Variants in C4orf36 observed in about 807,000 individuals in gnomAD.
C4orf36 encodes chromosome 4 open reading frame 36, also known as uncharacterized protein C4orf36.
A neutral mutation model predicts 12.2 loss-of-function variants in C4orf36; 11 were observed. The observed-to-expected ratio is 0.90, with a 90% CI of 0.57 to 1.49. C4orf36 has a LOEUF of 1.49. Ranked by LOEUF, C4orf36 falls within the 40% of genes most tolerant of loss-of-function variation. The pLI is 0.00. For synonymous variants in C4orf36, 54 were observed against 51.3 expected (o/e 1.05, Z -0.22); for missense variants, 137 against 133.9 (o/e 1.02, Z -0.11).
chr4:86,915,133 C>T, the C4orf36 span, among the ~76,000 whole-genome samples: 1 of 152,132 alleles, frequency 6.6e-6, no homozygotes, highest in Non-Finnish European at 1.5e-5. Flanking sequence ...ACTAGGCCAC[C>T]GTAGGCTCGT....
chr4:86,892,079 G>A, intron 1 of C4orf36, 104 bp downstream of exon 1: 1 of 985,848 alleles, frequency 1.0e-6, no homozygotes, highest in Non-Finnish European at 1.2e-6. Context: ...CCGGACGGAC[G>A]CGCAGGGCCC....
the C4orf36 span, among the ~76,000 whole-genome samples, chr4:86,905,022 G>T: frequency 2.0e-5 from 3 of 152,120 alleles, no homozygotes; most frequent in African/African-American, 7.2e-5. Context: ...GATGGCTTGA[G>T]CCCAGGAGTT....
chr4:86,892,832 A>G (rs941343275), upstream of C4orf36, among the ~76,000 whole-genome samples: 1 of 152,212 alleles, frequency 6.6e-6, no homozygotes, highest in Non-Finnish European at 1.5e-5. Context: ...ATCAATTTCT[A>G]AAGCCGTTAT....
the C4orf36 span, among the ~76,000 whole-genome samples, chr4:86,919,411 C>G: frequency 6.8e-6 from 1 of 147,096 alleles, no homozygotes; most frequent in Admixed American, 6.9e-5. Context: ...CAACCTCTAC[C>G]TCCTGGGTTC....
the C4orf36 span, among the ~76,000 whole-genome samples, chr4:86,928,507 A>G: frequency 6.6e-6 from 1 of 152,018 alleles, no homozygotes; most frequent in Non-Finnish European, 1.5e-5. Flanking sequence ...GGGAGAATCT[A>G]CCCCGTGACT....
the C4orf36 span, among the ~76,000 whole-genome samples, chr4:86,922,871 A>C: frequency 1.3e-5 from 2 of 151,740 alleles, no homozygotes; most frequent in African/African-American, 4.8e-5. Context: ...ATCTCTTCCA[A>C]GTCTGTTACT....
chr4:86,921,448 G>A, the C4orf36 span, among the ~76,000 whole-genome samples: 5 of 152,064 alleles, frequency 3.3e-5, no homozygotes, highest in Admixed American at 2.0e-4. Flanking sequence ...GGCTGTAGTA[G>A]GTTGGCTACA....
the C4orf36 span, among the ~76,000 whole-genome samples, chr4:86,910,614 TAAG>T: frequency 6.6e-6 from 1 of 152,108 alleles, no homozygotes; most frequent in African/African-American, 2.4e-5. Context: ...GAATGCCATC[TAAG>T]AAGTGTGAAG....
At chr4:86,935,283 C>A in the C4orf36 span, 2 of 152,464 alleles carry the variant, frequency 1.3e-5, no homozygotes, top group African/African-American at 2.4e-5. Flanking sequence ...GGTCGATCCG[C>A]CCGGCCCCCG....
At chr4:86,924,303 G>A in the C4orf36 span, among the ~76,000 whole-genome samples, 21 of 152,246 alleles carry the variant, frequency 1.4e-4, no homozygotes, top group Middle Eastern at 3.4e-3. Flanking sequence ...GGGTTCAAGC[G>A]ATTCTCCTCC....
At chr4:86,904,302 C>T in the C4orf36 span, among the ~76,000 whole-genome samples, 1 of 152,244 alleles carries the variant, frequency 6.6e-6, no homozygotes, top group African/African-American at 2.4e-5. Context: ...TTCACACTTC[C>T]CCGCGAGCAC....
At chr4:86,914,744 G>T in the C4orf36 span, 2 of 430,176 alleles carry the variant, frequency 4.6e-6, no homozygotes, top group South Asian at 1.9e-5. Context: ...TTGGAACTGA[G>T]GGCAATCTGG....
At position 86,876,369 on chromosome 4, in the gene C4orf36, G is replaced by A. The variant is rs986723007; in HGVS notation, c.*77C>T. 5.0e-6 allele frequency: 8 copies of A among 1,594,764 alleles called. No individual in the cohort carries two copies. Among genetic ancestry groups the A allele is most frequent in the African/African-American group, 4.0e-5 (3 of 74,354 alleles). ...CGCAGCGACGGCCGGGGCCGGGAGC[G>A]GGTCCTGGGCGGCCCAGGAGAAGCA... is the stretch of plus-strand genomic sequence containing the variant. On this transcript the variant is annotated 3_prime_UTR_variant, in exon 5 of 5. Transcript: ENST00000295898.
At chr4:86,931,168 G>A in the C4orf36 span, among the ~76,000 whole-genome samples, 1 of 152,120 alleles carries the variant, frequency 6.6e-6, no homozygotes, top group Non-Finnish European at 1.5e-5. Context: ...TCAGTTTCTG[G>A]TTGACTTTTC....
the C4orf36 span, among the ~76,000 whole-genome samples, chr4:86,901,196 G>C: frequency 6.6e-6 from 1 of 151,706 alleles, no homozygotes; most frequent in South Asian, 2.1e-4. Flanking sequence ...TGTTGGCCAG[G>C]CTGGTCTCGA....
chr4:86,884,798 T>A (rs1321100935), intron 4 of C4orf36, among the ~76,000 whole-genome samples: 1 of 152,182 alleles, frequency 6.6e-6, no homozygotes, highest in East Asian at 1.9e-4. Context: ...CTGAATGGTG[T>A]TGCCTAGGTT....
the C4orf36 span, among the ~76,000 whole-genome samples, chr4:86,920,231 ATAT>A: frequency 6.6e-6 from 1 of 152,152 alleles, no homozygotes; most frequent in Non-Finnish European, 1.5e-5. Context: ...TCTACTGTCT[ATAT>A]TTCCACCAAT....
the C4orf36 span, chr4:86,925,670 C>T: frequency 1.3e-5 from 2 of 151,956 alleles, no homozygotes; most frequent in Non-Finnish European, 2.9e-5. Flanking sequence ...ATCCTTGTTC[C>T]TTCATAGATA....
chr4:86,876,941 T>C (rs1378186159), intron 4 of C4orf36, among the ~76,000 whole-genome samples: 2 of 152,200 alleles, frequency 1.3e-5, no homozygotes, highest in Non-Finnish European at 2.9e-5. Flanking sequence ...ATGCCAGATA[T>C]ATTGCGCAGT....
Sources: gnomAD v4.1 joint callset for allele counts (sites outside exome capture counted in the v4.1 genomes callset) on GRCh38, gnomAD v4.1.1 for gene constraint, MANE v1.5 for transcripts, NCBI Gene and HGNC (gene_info 2026-07-23, HGNC 2026-07-21) for gene names.